SNCG: variants seen among roughly 807,000 people sequenced by gnomAD.
SNCG encodes gamma-synuclein.
A neutral mutation model predicts 16.0 loss-of-function variants in SNCG; 13 were observed. The observed-to-expected ratio is 0.81, with a 90% CI of 0.53 to 1.29. The LOEUF (loss-of-function observed/expected upper bound fraction) is 1.29, where lower values mean the gene tolerates loss of function less well. Ranked by LOEUF, SNCG falls within the 50% of genes most tolerant of loss-of-function variation. The pLI is 0.00. For missense variants in SNCG, 154 were observed against 168.5 expected (o/e 0.91, Z 0.48); for synonymous variants, 66 against 66.3 (o/e 1.00, Z 0.02).
chr10:86,962,162 G>T (rs1844362959), intron 3 of SNCG, among the ~76,000 whole-genome samples: 6 of 152,174 alleles, frequency 3.9e-5, no homozygotes, highest in African/African-American at 1.4e-4. Context: ...GAGCTCGAAG[G>T]CCCTGAGCTG....
Position 86,962,631 on chromosome 10 carries a change from C to T in SNCG, c.319C>T (p.Gln107Ter), listed in dbSNP as rs1408900587. 2 of 1,612,894 alleles carry T rather than the reference C, an allele frequency of 1.2e-6. No individual in the cohort carries two copies. Among genetic ancestry groups the T allele is most frequent in the Non-Finnish European group, 1.7e-6 (2 of 1,179,442 alleles). Residue 107 changes from glutamine (Q) to a stop codon, truncating the protein, a stop_gained, in exon 4 of 5, where the codon CAG (glutamine) becomes TAG (stop). Coordinates refer to ENST00000372017, the MANE Select transcript of SNCG (RefSeq NM_003087.3). LOFTEE classifies it high-confidence loss of function. ...KEDLRPSAPQ[Q>*]EGEASKEKEE... ...GGACTTGAGGCCATCTGCCCCCCAA[C>T]AGGAGGGTGAGGCATCCAAAGAGAA...
At chr10:86,957,526 G>A (rs548680315), upstream of SNCG, 2 of 1,611,230 alleles carry the variant, frequency 1.2e-6, no homozygotes, top group African/African-American at 2.7e-5. Context: ...AGGCTGAACA[G>A]CAAGCTCAGG....
At position 86,960,124 on chromosome 10, in the gene SNCG, G is replaced by A. The variant is rs371074090; in HGVS notation, c.287G>A (p.Arg96His). 6.2e-6 allele frequency: 10 copies of A among 1,611,268 alleles called. No homozygotes were observed. The highest frequency in any genetic ancestry group is 1.6e-4 in the Middle Eastern group (1 of 6,066). The change falls in exon 3 of 5, where the codon CGC becomes CAC. Residue 96 changes from arginine (R) to histidine (H), a missense_variant. By Grantham distance (29) the Arg-to-His change is conservative. Coordinates refer to ENST00000372017, the MANE Select transcript of SNCG (RefSeq NM_003087.3). ...ATCGCGGTCACCTCCGGGGTGGTGC[G>A]CAAGGTGAGCCCCGGCCCTCAGACC... is the stretch of plus-strand genomic sequence containing the variant. ...ENIAVTSGVV[R>H]KEDLRPSAPQ...
At chr10:86,958,904 CAGGGAG>C (rs1217128462) in intron 1 of SNCG, 86 bp downstream of exon 1, 1 of 1,450,998 alleles carries the variant, frequency 6.9e-7, no homozygotes, top group African/African-American at 1.4e-5. Flanking sequence ...TCCCCAGCCC[CAGGGAG>C]GCATTTTGGG....
At chr10:86,956,024 C>T (rs1844219390), upstream of SNCG, among the ~76,000 whole-genome samples, 1 of 152,162 alleles carries the variant, frequency 6.6e-6, no homozygotes, top group Non-Finnish European at 1.5e-5. Context: ...CCCTCCCGTC[C>T]ACCGGGTCCT....
chr10:86,957,739 C>T (rs1008962196), upstream of SNCG: 2 of 1,374,824 alleles, frequency 1.5e-6, no homozygotes, highest in Non-Finnish European at 1.9e-6. Context: ...ACAGGGGCCG[C>T]CAACCACACA....
Position 86,959,949 on chromosome 10 carries a change from G to C in SNCG, c.164-52G>C, listed in dbSNP as rs1018258978. ...GGGGCTGCGAGCCTGACTCCAGCAG[G>C]CCTGCCTTGGGGCTGGGGCTGGGGT... is the stretch of plus-strand genomic sequence containing the variant. On this transcript the variant is annotated intron_variant, in intron 2 of 4. Coordinates refer to ENST00000372017, the MANE Select transcript of SNCG (RefSeq NM_003087.3). The surrounding 1 kb of genome is among the most constrained non-coding windows in gnomAD (Gnocchi z 4.3). The C allele has an allele frequency of 1.6e-5, 25 of 1,555,970 alleles. No individual in the cohort carries two copies. The highest frequency in any genetic ancestry group is 2.0e-5 in the Non-Finnish European group (23 of 1,150,352).
rs201091739 is a variant in SNCG at position 86,960,030 on chromosome 10, G to A, written c.193G>A (p.Ala65Thr). ...VAEKTKEQANAVSEAVVSSVN... is the reference protein window; with the variant it reads ...VAEKTKEQANTVSEAVVSSVN... Reference sequence around the variant, plus strand: ...CGAGAAGACCAAGGAGCAGGCCAACGCCGTGAGCGAGGCTGTGGTGAGCAG... The same window carrying A: ...CGAGAAGACCAAGGAGCAGGCCAACACCGTGAGCGAGGCTGTGGTGAGCAG... The change falls in exon 3 of 5, where the codon GCC (alanine) becomes ACC (threonine). Residue 65 changes from alanine to threonine, a missense_variant. Transcript: ENST00000372017. 3.1e-6 allele frequency: 5 copies of A among 1,609,614 alleles called. No homozygotes were observed. Among genetic ancestry groups the A allele is most frequent in the East Asian group, 4.5e-5 (2 of 44,762 alleles).
At chr10:86,956,756 G>T (rs1225144589), upstream of SNCG, among the ~76,000 whole-genome samples, 1 of 152,220 alleles carries the variant, frequency 6.6e-6, no homozygotes, top group Non-Finnish European at 1.5e-5. Context: ...TGACTGAGGG[G>T]CAGTTGGAGA....
chr10:86,956,934 C>T (rs1470613237), upstream of SNCG, among the ~76,000 whole-genome samples: 5 of 152,238 alleles, frequency 3.3e-5, no homozygotes, highest in African/African-American at 7.2e-5. Flanking sequence ...AGCAGGGGGC[C>T]GTCTCTGCTC....
chr10:86,962,164 C>T (rs1221994553), intron 3 of SNCG, among the ~76,000 whole-genome samples: 1 of 152,170 alleles, frequency 6.6e-6, no homozygotes, highest in African/African-American at 2.4e-5. Context: ...GCTCGAAGGC[C>T]CTGAGCTGCA....
rs1207571037 is a variant in SNCG, at chr10:86,959,207, C to T, written c.121+389C>T. Among the ~76,000 whole-genome samples, 2 of 152,178 alleles carry T rather than the reference C, an allele frequency of 1.3e-5. No homozygotes were observed. The highest frequency in any genetic ancestry group is 4.8e-5 in the African/African-American group (2 of 41,446). On this transcript the variant is annotated intron_variant, in intron 1 of 4. Transcript: ENST00000372017. This position sits in a 1 kb window ranked among gnomAD's most constrained non-coding sequence, Gnocchi z 4.3. Reference sequence around the variant, plus strand: ...CCAGGTCACGGATCCCCTCCCTCCCCAGAGAGAAGGGGCAGGCTGGGGGAT... The same window carrying T: ...CCAGGTCACGGATCCCCTCCCTCCCTAGAGAGAAGGGGCAGGCTGGGGGAT...
chr10:86,956,744 TCTGA>T (rs1302079014), upstream of SNCG, among the ~76,000 whole-genome samples: 9 of 152,316 alleles, frequency 5.9e-5, no homozygotes, highest in African/African-American at 2.2e-4. Context: ...CACCTGCTGC[TCTGA>T]CTGAGGGGCA....
chr10:86,960,545 TGG>T (rs1227242685), intron 3 of SNCG, among the ~76,000 whole-genome samples: 4 of 152,046 alleles, frequency 2.6e-5, no homozygotes, highest in African/African-American at 9.7e-5. Context: ...CCTCCCTCCC[TGG>T]GCTGGGCGGG....
upstream of SNCG, among the ~76,000 whole-genome samples, chr10:86,956,219 C>T (rs562433866): frequency 2.9e-3 from 436 of 149,592 alleles, 1 homozygote; most frequent in Middle Eastern, 6.9e-3. Flanking sequence ...TGGGGGCAGG[C>T]GGGAATGAGG....
At chr10:86,960,171 CA>C (rs1844317819) in intron 3 of SNCG, 43 bp downstream of exon 3, 1 of 1,573,774 alleles carries the variant, frequency 6.4e-7, no homozygotes, top group Non-Finnish European at 8.7e-7. Flanking sequence ...CTCCTGGGCC[CA>C]GAAAGGCTGC....
chr10:86,957,004 T>A (rs1396521031), upstream of SNCG, among the ~76,000 whole-genome samples: 1 of 152,212 alleles, frequency 6.6e-6, no homozygotes, highest in East Asian at 1.9e-4. Context: ...CAGGGCAGCC[T>A]TGCTGGGTCT....
At chr10:86,957,688 G>T (rs746756447), upstream of SNCG, 1 of 1,328,780 alleles carries the variant, frequency 7.5e-7, no homozygotes. Context: ...CGGCCTACCC[G>T]GTGGGTCTTG....
At chr10:86,962,415 G>A (rs1465901922) in intron 3 of SNCG, among the ~76,000 whole-genome samples, 189 bp from the exon 4 acceptor site, 4 of 152,150 alleles carry the variant, frequency 2.6e-5, no homozygotes, top group African/African-American at 9.6e-5. Context: ...GGAAGGCCTC[G>A]GCATCATCAG....
Sources: allele counts gnomAD v4.1 joint callset (sites outside exome capture counted in the v4.1 genomes callset), GRCh38; gene constraint gnomAD v4.1.1; non-coding constraint Gnocchi (gnomAD v3.1); transcripts MANE v1.5; gene names NCBI Gene and HGNC (gene_info 2026-07-23, HGNC 2026-07-21).